The following TMEFF2 variants were observed in gnomAD, a reference collection of about 807,000 sequenced individuals.
TMEFF2 encodes tomoregulin-2.
A neutral mutation model predicts 53.8 loss-of-function variants in TMEFF2; 28 were observed. The observed-to-expected ratio is 0.52, with a 90% confidence interval of 0.39 to 0.71. The LOEUF (loss-of-function observed/expected upper bound fraction) is 0.71. Among genes scored for constraint, TMEFF2 ranks in the 30% least tolerant of loss-of-function variants. TMEFF2 has a pLI of 0.00. For missense variants in TMEFF2, 353 were observed against 455.2 expected, an observed-to-expected ratio of 0.78 and a Z score of 2.04; for synonymous variants, 162 against 166.3, an observed-to-expected ratio of 0.97 and a Z score of 0.20.
chr2:192,024,128 T>C (rs1205000489), intron 5 of TMEFF2, among the ~76,000 whole-genome samples: 1 of 152,186 alleles, frequency 6.6e-6, no homozygotes, highest in African/African-American at 2.4e-5. Flanking sequence ...TTTGAATGTA[T>C]TTCCCATAGA....
chr2:192,038,879 A>C (rs766870623), intron 5 of TMEFF2, among the ~76,000 whole-genome samples: 2 of 152,188 alleles, frequency 1.3e-5, no homozygotes, highest in Non-Finnish European at 2.9e-5. Context: ...TGCAAGCTAC[A>C]GTTTTTAATA....
At chr2:191,959,867 C>T (rs1692221499) in intron 7 of TMEFF2, among the ~76,000 whole-genome samples, 1 of 152,138 alleles carries the variant, frequency 6.6e-6, no homozygotes, top group Non-Finnish European at 1.5e-5. Flanking sequence ...TCCAAGTGCT[C>T]TCCAAGCTGG....
chr2:192,043,610 A>C (rs1687539182), intron 5 of TMEFF2: 1 of 152,236 alleles, frequency 6.6e-6, no homozygotes, highest in African/African-American at 2.4e-5. Flanking sequence ...TCCATCTCAC[A>C]GTGGATCCAG....
At chr2:192,085,900 T>C (rs1688660795) in intron 4 of TMEFF2, among the ~76,000 whole-genome samples, 1 of 152,102 alleles carries the variant, frequency 6.6e-6, no homozygotes, top group South Asian at 2.1e-4. Context: ...AAAGGATATA[T>C]TCATATAGAC....
chr2:191,954,231 C>T (rs1391441424), intron 8 of TMEFF2, among the ~76,000 whole-genome samples: 1 of 152,130 alleles, frequency 6.6e-6, no homozygotes, highest in Non-Finnish European at 1.5e-5. Flanking sequence ...ATTTTCATCA[C>T]AAAATTAGGG....
intron 5 of TMEFF2, among the ~76,000 whole-genome samples, chr2:192,035,651 A>G (rs1486352902): frequency 2.6e-5 from 4 of 152,090 alleles, no homozygotes; most frequent in Non-Finnish European, 5.9e-5. Flanking sequence ...ACTTTTTGCG[A>G]CTTCAGTGTC....
chr2:192,186,869 G>T (rs1291114423), intron 2 of TMEFF2, among the ~76,000 whole-genome samples: 1 of 152,140 alleles, frequency 6.6e-6, no homozygotes, highest in African/African-American at 2.4e-5. Flanking sequence ...TCTCCCAAGT[G>T]CTAGTACACA....
chr2:192,003,728 C>T (rs778793117), intron 5 of TMEFF2, among the ~76,000 whole-genome samples: 6 of 152,154 alleles, frequency 3.9e-5, no homozygotes, highest in East Asian at 3.8e-4. Context: ...AATATTTACA[C>T]GCAAATACAC....
intron 7 of TMEFF2, among the ~76,000 whole-genome samples, chr2:191,990,988 G>A (rs773371822): frequency 2.6e-5 from 4 of 151,852 alleles, no homozygotes; most frequent in Non-Finnish European, 5.9e-5. Context: ...CTGCAGTTGT[G>A]TCATAAGCTA....
intron 4 of TMEFF2, among the ~76,000 whole-genome samples, chr2:192,097,449 T>C (rs570187786): frequency 2.0e-5 from 3 of 152,352 alleles, no homozygotes; most frequent in African/African-American, 4.8e-5. Context: ...AAAGCAATCA[T>C]CTGTCAATTT....
At chr2:192,143,089 C>G (rs1242521653) in intron 4 of TMEFF2, among the ~76,000 whole-genome samples, 1 of 152,112 alleles carries the variant, frequency 6.6e-6, no homozygotes, top group Non-Finnish European at 1.5e-5. Context: ...TGCAGGACAA[C>G]TATTAGAGAA....
chr2:192,114,861 C>T (rs1448899375), intron 4 of TMEFF2, among the ~76,000 whole-genome samples: 2 of 152,000 alleles, frequency 1.3e-5, no homozygotes, highest in East Asian at 3.9e-4. Flanking sequence ...AGTCCTGAGG[C>T]TCTCATGTAA....
chr2:192,063,097 CTTAAT>C (rs566819338), intron 4 of TMEFF2, among the ~76,000 whole-genome samples: 91 of 151,710 alleles, frequency 6.0e-4, no homozygotes, highest in African/African-American at 2.1e-3. Flanking sequence ...ATACTTAGGA[CTTAAT>C]TTATTATTTT....
intron 7 of TMEFF2, among the ~76,000 whole-genome samples, chr2:191,986,103 A>G (rs758786916): frequency 6.6e-6 from 1 of 152,238 alleles, no homozygotes; most frequent in African/African-American, 2.4e-5. Flanking sequence ...ATTGCCATTG[A>G]GTGTTTTAAT....
At chr2:192,001,584 G>A (rs1311640629) in intron 5 of TMEFF2, among the ~76,000 whole-genome samples, 1 of 152,086 alleles carries the variant, frequency 6.6e-6, no homozygotes, top group Non-Finnish European at 1.5e-5. Context: ...TTGAATTGTA[G>A]CTCCCATAAT....
intron 4 of TMEFF2, among the ~76,000 whole-genome samples, chr2:192,109,931 C>G (rs1689237140): frequency 6.6e-6 from 1 of 151,788 alleles, no homozygotes; most frequent in African/African-American, 2.4e-5. Context: ...ATTCCATTGG[C>G]ATATAGATCA....
At chr2:192,155,842 T>TA (rs1690494701) in intron 4 of TMEFF2, among the ~76,000 whole-genome samples, 1 of 152,072 alleles carries the variant, frequency 6.6e-6, no homozygotes, top group Admixed American at 6.6e-5. Context: ...CACTTGTTTT[T>TA]ATAAGAAATT....
chr2:192,095,557 T>C (rs1287083947), intron 4 of TMEFF2, among the ~76,000 whole-genome samples: 1 of 152,016 alleles, frequency 6.6e-6, no homozygotes, highest in Non-Finnish European at 1.5e-5. Context: ...AAAAGAAATA[T>C]AGAAAACAAT....
At position 191,949,777 on chromosome 2, in the gene TMEFF2, A is replaced by G. The variant is rs1223137871; in HGVS notation, c.*534T>C. On this transcript the variant is annotated 3_prime_UTR_variant, in exon 10 of 10. Transcript: ENST00000272771. ...AGGGAAGAAAGTTGATGAAATAGAGATGATTCAAAGATCGGAAATATTTTA... is the reference window on the plus strand; with the variant it reads ...AGGGAAGAAAGTTGATGAAATAGAGGTGATTCAAAGATCGGAAATATTTTA... The G allele has an allele frequency of 2.0e-6, 2 of 985,162 alleles. No individual in the cohort carries two copies. The highest frequency in any genetic ancestry group is 3.5e-5 in the African/African-American group (2 of 57,242). The allele number at this position is 985,162 out of a possible 1,614,324, so 61.0% of individuals were successfully genotyped here.
Sources: gnomAD v4.1 joint callset for allele counts (sites outside exome capture counted in the v4.1 genomes callset) on GRCh38, gnomAD v4.1.1 for gene constraint, MANE v1.5 for transcripts, NCBI Gene and HGNC (gene_info 2026-07-23, HGNC 2026-07-21) for gene names.